Variants in NAALADL2 observed in about 807,000 individuals in gnomAD.
NAALADL2 encodes the protein inactive N-acetylated-alpha-linked acidic dipeptidase-like protein 2.
A neutral mutation model predicts 87.2 loss-of-function variants in NAALADL2; 76 were observed. The ratio of observed to expected loss-of-function variants is 0.87; its 90% CI spans 0.72 to 1.05. The LOEUF (loss-of-function observed/expected upper bound fraction) is 1.05, where lower values mean the gene tolerates loss of function less well. Ranked by LOEUF, NAALADL2 falls within the 50% of genes least tolerant of loss-of-function variation. The pLI is 0.00. For missense variants in NAALADL2, 1,089 were observed against 945.8 expected (o/e 1.15, Z -1.99); for synonymous variants, 354 against 331.0 (o/e 1.07, Z -0.75).
intron 5 of NAALADL2, among the ~76,000 whole-genome samples, chr3:175,327,306 C>T (rs2110467165): frequency 6.6e-6 from 1 of 152,150 alleles, no homozygotes; most frequent in Non-Finnish European, 1.5e-5. Context: ...CAGGCGCCTG[C>T]CACCATGCCC....
At chr3:175,701,583 A>G (rs1462956778) in intron 11 of NAALADL2, among the ~76,000 whole-genome samples, 1 of 152,114 alleles carries the variant, frequency 6.6e-6, no homozygotes, top group African/African-American at 2.4e-5. Context: ...ACTGCACGCC[A>G]GTAGGCTAGT....
At chr3:174,463,226 G>T (rs1716316726) in intron 1 of NAALADL2, among the ~76,000 whole-genome samples, 1 of 152,158 alleles carries the variant, frequency 6.6e-6, no homozygotes, top group Non-Finnish European at 1.5e-5. Flanking sequence ...GGAAGAACCA[G>T]CAGGACTGCT....
intron 2 of NAALADL2, among the ~76,000 whole-genome samples, chr3:175,124,931 A>C (rs746482472): frequency 6.6e-6 from 1 of 151,972 alleles, no homozygotes; most frequent in Non-Finnish European, 1.5e-5. Context: ...CATGAGCACT[A>C]AAGTTTTGTT....
intron 9 of NAALADL2, among the ~76,000 whole-genome samples, chr3:175,547,985 C>G (rs548413434): frequency 5.4e-4 from 82 of 151,924 alleles, no homozygotes; most frequent in African/African-American, 1.8e-3. Flanking sequence ...TTGTAGAAGA[C>G]AGTGTGGTGA....
At chr3:175,520,601 G>T (rs184813751) in intron 9 of NAALADL2, among the ~76,000 whole-genome samples, 30 of 152,222 alleles carry the variant, frequency 2.0e-4, no homozygotes, top group African/African-American at 6.3e-4. Flanking sequence ...CCCGGCCCAA[G>T]AATGCAATTT....
chr3:175,598,250 A>G (rs1049464040), intron 10 of NAALADL2, among the ~76,000 whole-genome samples: 2 of 152,068 alleles, frequency 1.3e-5, no homozygotes, highest in Non-Finnish European at 2.9e-5. Context: ...GAAATTACAT[A>G]CAGTAGGCTG....
rs973169288 is a variant in NAALADL2, at chr3:175,363,201, A to T, written c.1090+38876A>T. Among the ~76,000 whole-genome samples, 6 of 147,050 alleles carry T rather than the reference A, an allele frequency of 4.1e-5. 2 individuals are homozygous for T. The highest frequency in any genetic ancestry group is 1.4e-4 in the Admixed American group (2 of 14,272). ...TCCAGGATCTCTTTCTTGAACTCTG[A>T]TGTTTAATTTTAAAATAACACTGTC... On this transcript the variant is annotated intron_variant, in intron 5 of 13. Transcript: ENST00000454872.
intron 4 of NAALADL2, among the ~76,000 whole-genome samples, chr3:175,288,083 T>G (rs1755197167): frequency 6.6e-6 from 1 of 152,122 alleles, no homozygotes; most frequent in South Asian, 2.1e-4. Flanking sequence ...TGTCTACATG[T>G]TTTTTTGTTT....
chr3:175,020,918 A>C (rs1264771799), intron 1 of NAALADL2, among the ~76,000 whole-genome samples: 1 of 152,074 alleles, frequency 6.6e-6, no homozygotes, highest in Non-Finnish European at 1.5e-5. Flanking sequence ...ATCTCTGGGA[A>C]GCTTGGTTTG....
At chr3:175,442,549 AGAT>A (rs1719977996) in intron 5 of NAALADL2, among the ~76,000 whole-genome samples, 1 of 152,200 alleles carries the variant, frequency 6.6e-6, no homozygotes, top group Non-Finnish European at 1.5e-5. Flanking sequence ...ACCTTGGTAG[AGAT>A]GACAATAGTA....
intron 5 of NAALADL2, among the ~76,000 whole-genome samples, chr3:175,332,473 T>C (rs2112042): frequency 6.6e-6 from 1 of 151,938 alleles, no homozygotes; most frequent in Non-Finnish European, 1.5e-5. Context: ...GCTAATATTT[T>C]TATTATTTGT....
intron 2 of NAALADL2, among the ~76,000 whole-genome samples, chr3:174,602,046 C>T (rs1419350704): frequency 6.6e-6 from 1 of 152,016 alleles, no homozygotes; most frequent in African/African-American, 2.4e-5. Flanking sequence ...TTGGTTACTA[C>T]AGTTCTGTAG....
chr3:174,655,799 T>C (rs1724857398), intron 2 of NAALADL2, among the ~76,000 whole-genome samples: 1 of 152,156 alleles, frequency 6.6e-6, no homozygotes. Flanking sequence ...AAAAAGAGAA[T>C]TTAAATTACC....
At chr3:175,709,507 T>C (rs755345495) in intron 11 of NAALADL2, among the ~76,000 whole-genome samples, 34 of 152,122 alleles carry the variant, frequency 2.2e-4, no homozygotes, top group Non-Finnish European at 4.1e-4. Flanking sequence ...TCTTGACCCA[T>C]TCCATTGGTA....
Position 174,745,561 on chromosome 3 carries a change from T to C in NAALADL2, c.-9+7815T>C, listed in dbSNP as rs145915800. ...TGAAACTATTCCAAACAATTGAATA[T>C]TGGGGACTTCTCCTTAACTTATCTT... On this transcript the variant is annotated intron_variant, in intron 3 of 3. Transcript: ENST00000434257. Among the ~76,000 whole-genome samples, 910 of 152,126 alleles carry C rather than the reference T, an allele frequency of 6.0e-3. 11 individuals are homozygous for C. The highest frequency in any genetic ancestry group is 0.021 in the African/African-American group (869 of 41,522).
chr3:175,513,779 TTAG>T (rs1163129579), intron 9 of NAALADL2, among the ~76,000 whole-genome samples: 2 of 152,208 alleles, frequency 1.3e-5, no homozygotes, highest in South Asian at 4.1e-4. Flanking sequence ...AAGATGTACA[TTAG>T]TAGCCAATAC....
chr3:174,762,209 G>A (rs1713076915), intron 3 of NAALADL2, among the ~76,000 whole-genome samples: 1 of 149,370 alleles, frequency 6.7e-6, no homozygotes, highest in African/African-American at 2.5e-5. Context: ...ACCCAGGCTG[G>A]AGTGCAGTGG....
chr3:175,052,537 A>G (rs1580203946), intron 1 of NAALADL2, among the ~76,000 whole-genome samples: 2 of 152,170 alleles, frequency 1.3e-5, no homozygotes, highest in East Asian at 3.9e-4. Context: ...CACAATCATC[A>G]TTGAAATCCC....
At chr3:175,476,852 G>A (rs1413680359) in intron 9 of NAALADL2, among the ~76,000 whole-genome samples, 1 of 152,028 alleles carries the variant, frequency 6.6e-6, no homozygotes, top group Non-Finnish European at 1.5e-5. Flanking sequence ...TGACTTTCAA[G>A]TAACAGAGAT....
Sources: gnomAD v4.1 joint callset for allele counts (sites outside exome capture counted in the v4.1 genomes callset) on GRCh38, gnomAD v4.1.1 for gene constraint, MANE v1.5 for transcripts, NCBI Gene and HGNC (gene_info 2026-07-23, HGNC 2026-07-21) for gene names.